The following GLT1D1 variants were observed in gnomAD, a reference collection of about 807,000 sequenced individuals.
GLT1D1 encodes the protein glycosyltransferase 1 domain-containing protein 1.
A neutral mutation model predicts 28.7 loss-of-function variants in GLT1D1; 21 were observed. The ratio of observed to expected loss-of-function variants is 0.73; its 90% confidence interval spans 0.52 to 1.05. GLT1D1 has a LOEUF of 1.05. Among genes scored for constraint, GLT1D1 ranks in the 50% least tolerant of loss-of-function variants. The pLI is 0.00. For synonymous variants in GLT1D1, 147 were observed against 124.8 expected (o/e 1.18, Z -1.19); for missense variants, 343 against 330.6 (o/e 1.04, Z -0.29).
At chr12:128,982,532 C>G (rs1452177581) in intron 7 of GLT1D1, among the ~76,000 whole-genome samples, 1 of 152,150 alleles carries the variant, frequency 6.6e-6, no homozygotes, top group Non-Finnish European at 1.5e-5. Flanking sequence ...GGGGTAACAC[C>G]TAATTTCACA....
At chr12:128,861,199 A>C (rs961133173) in intron 1 of GLT1D1, among the ~76,000 whole-genome samples, 2 of 152,170 alleles carry the variant, frequency 1.3e-5, no homozygotes, top group African/African-American at 4.8e-5. Flanking sequence ...CCAGTTTTGT[A>C]AATAAAGTTG....
rs78298160 is a variant in GLT1D1, at chr12:128,966,019, A to G, written c.639+8376A>G. ...AGTGGCAGAGATGGGACCTCCAAAA[A>G]GAGGACTGTTTCAGGTAATTAATGC... is the stretch of plus-strand genomic sequence containing the variant. On this transcript the variant is annotated intron_variant, in intron 7 of 7. Coordinates refer to ENST00000281703, the MANE Select transcript of GLT1D1 (RefSeq NM_144669.3). 6.2e-3 allele frequency among the ~76,000 whole-genome samples: 943 copies of G among 152,390 alleles called. 10 individuals are homozygous for G. Among genetic ancestry groups the G allele is most frequent in the African/African-American group, 0.021 (882 of 41,604 alleles).
At chr12:128,951,136 C>T (rs1593179557) in intron 6 of GLT1D1, among the ~76,000 whole-genome samples, 1 of 152,180 alleles carries the variant, frequency 6.6e-6, no homozygotes, top group South Asian at 2.1e-4. Context: ...GGCGCGGTGG[C>T]TCACGTCTAT....
At chr12:128,908,144 C>T (rs1395903079) in intron 4 of GLT1D1, among the ~76,000 whole-genome samples, 2 of 151,956 alleles carry the variant, frequency 1.3e-5, no homozygotes, top group Admixed American at 6.6e-5. Flanking sequence ...TGCAGTGGTG[C>T]GATCTCAGCT....
At chr12:128,936,097 C>T (rs1488594665) in intron 4 of GLT1D1, among the ~76,000 whole-genome samples, 10 of 151,904 alleles carry the variant, frequency 6.6e-5, no homozygotes, top group South Asian at 2.1e-4. Context: ...AACACTTGGA[C>T]GGTGCCTGGA....
At chr12:128,883,354 G>T (rs1957103016) in intron 2 of GLT1D1, among the ~76,000 whole-genome samples, 1 of 151,448 alleles carries the variant, frequency 6.6e-6, no homozygotes, top group Admixed American at 6.6e-5. Context: ...CACTTTGGGA[G>T]GCTGAGGCGG....
intron 5 of GLT1D1, among the ~76,000 whole-genome samples, chr12:128,947,127 C>G (rs1266384336): frequency 6.6e-6 from 1 of 152,162 alleles, no homozygotes; most frequent in Non-Finnish European, 1.5e-5. Flanking sequence ...AAAACAAAAG[C>G]AGACATGTTA....
chr12:128,920,060 CCTAA>C (rs1872530992), intron 4 of GLT1D1, among the ~76,000 whole-genome samples: 2 of 148,338 alleles, frequency 1.3e-5, no homozygotes, highest in Admixed American at 6.8e-5. Flanking sequence ...CTCAAATTTG[CCTAA>C]CTCAGATTGT....
chr12:128,863,319 C>A (rs370481692), intron 1 of GLT1D1, among the ~76,000 whole-genome samples: 8 of 152,148 alleles, frequency 5.3e-5, no homozygotes, highest in Admixed American at 3.3e-4. Flanking sequence ...AAGGCAGGCC[C>A]GCTCTGGAAT....
At chr12:128,919,943 TTCTCTCTCTCTCTC>T (rs1160496585) in intron 4 of GLT1D1, among the ~76,000 whole-genome samples, 8 of 109,708 alleles carry the variant, frequency 7.3e-5, no homozygotes, top group African/African-American at 2.2e-4. Flanking sequence ...TATTGCTTAT[TTCTCTCTCTCTCTC>T]TCTCTCTCTC....
At chr12:128,925,040 G>T (rs541104026) in intron 4 of GLT1D1, among the ~76,000 whole-genome samples, 6,079 of 142,546 alleles carry the variant, frequency 0.043, 162 homozygotes, top group Non-Finnish European at 0.064. Flanking sequence ...ATTGTTTTTT[G>T]TTTTTTTTTT....
intron 4 of GLT1D1, among the ~76,000 whole-genome samples, chr12:128,918,741 G>T (rs1872352889): frequency 6.6e-6 from 1 of 152,168 alleles, no homozygotes; most frequent in Non-Finnish European, 1.5e-5. Context: ...CTGTTGTAAG[G>T]TTAGTCTGTC....
At chr12:128,934,521 G>A (rs942008706) in intron 4 of GLT1D1, among the ~76,000 whole-genome samples, 2 of 152,198 alleles carry the variant, frequency 1.3e-5, no homozygotes, top group Admixed American at 6.5e-5. Flanking sequence ...GGAGGCAATG[G>A]CAGTGCATCT....
intron 2 of GLT1D1, among the ~76,000 whole-genome samples, chr12:128,879,426 C>CTTTCT (rs1555262457): frequency 1.8e-4 from 18 of 100,714 alleles, no homozygotes; most frequent in African/African-American, 6.8e-4. Flanking sequence ...TTCTTTCTTT[C>CTTTCT]TTTCTTTCTT....
At chr12:128,866,573 T>C (rs1181501053) in intron 1 of GLT1D1, among the ~76,000 whole-genome samples, 2 of 150,740 alleles carry the variant, frequency 1.3e-5, no homozygotes, top group African/African-American at 4.9e-5. Context: ...TCTTCATCTT[T>C]TCCCCCACAG....
At chr12:128,935,748 G>C (rs1178884910) in intron 4 of GLT1D1, among the ~76,000 whole-genome samples, 1 of 152,092 alleles carries the variant, frequency 6.6e-6, no homozygotes, top group African/African-American at 2.4e-5. Context: ...CTGCAGGCTT[G>C]TGCCACCATG....
At chr12:128,900,784 T>A (rs971633180) in intron 4 of GLT1D1, among the ~76,000 whole-genome samples, 4 of 152,040 alleles carry the variant, frequency 2.6e-5, no homozygotes, top group Non-Finnish European at 4.4e-5. Flanking sequence ...GACAGGCATG[T>A]GCCACCACAC....
chr12:128,911,805 A>T (rs1470313505), intron 4 of GLT1D1, among the ~76,000 whole-genome samples: 1 of 152,126 alleles, frequency 6.6e-6, no homozygotes. Context: ...CTTGGTACAA[A>T]TATCCATATC....
At chr12:128,875,217 G>A (rs1263192102) in intron 1 of GLT1D1, among the ~76,000 whole-genome samples, 2 of 152,110 alleles carry the variant, frequency 1.3e-5, no homozygotes, top group Admixed American at 6.6e-5. Flanking sequence ...CACAATTCAG[G>A]GACAGGAGAG....
Sources: gnomAD v4.1 joint callset for allele counts (sites outside exome capture counted in the v4.1 genomes callset) on GRCh38, gnomAD v4.1.1 for gene constraint, MANE v1.5 for transcripts, NCBI Gene and HGNC (gene_info 2026-07-23, HGNC 2026-07-21) for gene names.